HECTD2: variants seen among roughly 807,000 people sequenced by gnomAD.
HECTD2 encodes the protein HECT domain E3 ubiquitin protein ligase 2, also known as probable E3 ubiquitin-protein ligase HECTD2.
A neutral mutation model predicts 103.2 loss-of-function variants in HECTD2; 35 were observed. The observed-to-expected ratio is 0.34, with a 90% confidence interval of 0.26 to 0.45. The LOEUF (loss-of-function observed/expected upper bound fraction) is 0.45, where lower values mean the gene tolerates loss of function less well. Ranked by LOEUF, HECTD2 falls within the 20% of genes least tolerant of loss-of-function variation. The pLI, the probability that HECTD2 is intolerant of heterozygous loss-of-function variation, is 1.00. For synonymous variants in HECTD2, 281 were observed against 329.9 expected (o/e 0.85, Z 1.61); for missense variants, 596 against 937.4 (o/e 0.64, Z 4.76).
chr10:91,410,672 T>C (rs1440817930), intron 1 of HECTD2, 96 bp downstream of exon 1: 5 of 1,164,182 alleles, frequency 4.3e-6, no homozygotes, highest in African/African-American at 1.6e-5. Flanking sequence ...GCGTTTACCC[T>C]GGGCACGCCC....
rs750634330 is a variant in HECTD2 at position 91,498,131 on chromosome 10, A to G, written c.1704A>G (p.Glu568=). Residue 568 remains glutamate, a synonymous_variant, in exon 16 of 21, where the codon GAA becomes GAG. Transcript: ENST00000298068. ...IMPELAHGLS[E]LLSHEGNVEE... ...AGGAGTTGGCCCATGGATTAAGTGA[A>G]CTCTTATCACATGAAGGCAATGTTG... 6.2e-7 allele frequency: 1 copy of G among 1,611,692 alleles called. No individual in the cohort carries two copies. The highest frequency in any genetic ancestry group is 2.2e-5 in the East Asian group (1 of 44,748).
chr10:91,425,105 T>G (rs1172303051), intron 1 of HECTD2, among the ~76,000 whole-genome samples, 176 bp from the exon 2 acceptor site: 1 of 152,122 alleles, frequency 6.6e-6, no homozygotes, highest in African/African-American at 2.4e-5. Context: ...ATAATAAGGC[T>G]GTTTTATATG....
chr10:91,484,286 G>A lies in HECTD2; in HGVS notation c.822-221G>A, dbSNP rs908953454. On this transcript the variant is annotated intron_variant, in intron 8 of 20. Coordinates refer to ENST00000298068, the MANE Select transcript of HECTD2 (RefSeq NM_182765.6). ...AATATTGAAAGTCTTTAAAATGTTT[G>A]TTACTAACTTTATAGTAATTTTGGT... is the stretch of plus-strand genomic sequence containing the variant. 4 of 1,057,450 alleles carry A rather than the reference G, an allele frequency of 3.8e-6. No individual in the cohort carries two copies. The East Asian group carries it at 7.8e-5, about 21-fold the overall frequency. 65.5% of individuals were successfully genotyped at this position (1,057,450 alleles called of 1,614,324 possible). A position where few individuals can be genotyped will look rare whatever the true frequency, so the allele number is the denominator to read the frequency against.
chr10:91,458,895 TAA>T (rs1025924716), intron 2 of HECTD2, among the ~76,000 whole-genome samples: 2 of 152,002 alleles, frequency 1.3e-5, no homozygotes, highest in Non-Finnish European at 2.9e-5. Flanking sequence ...CATCAAAATT[TAA>T]AAGTTTTGCT....
chr10:91,445,973 C>A (rs549517756), intron 2 of HECTD2, among the ~76,000 whole-genome samples: 1 of 151,972 alleles, frequency 6.6e-6, no homozygotes. Context: ...TGAGCAGACA[C>A]CGAACTTGCT....
intron 9 of HECTD2, 94 bp from the exon 10 acceptor site, chr10:91,485,086 G>A: frequency 2.4e-6 from 2 of 816,474 alleles, no homozygotes; most frequent in Middle Eastern, 3.8e-4. Context: ...TCTAGGTCAA[G>A]GCTGTCTTGT....
At chr10:91,496,427 A>G in intron 15 of HECTD2, 55 bp downstream of exon 15, 1 of 1,257,612 alleles carries the variant, frequency 8.0e-7, no homozygotes, top group East Asian at 2.4e-5. Context: ...TCTTTTTTCT[A>G]CCTGCACAGT....
At chr10:91,502,160 T>TAA (rs1473789410) in intron 20 of HECTD2, among the ~76,000 whole-genome samples, 1 of 152,194 alleles carries the variant, frequency 6.6e-6, no homozygotes, top group Admixed American at 6.5e-5. Context: ...ATTGCCAGTT[T>TAA]AAGTTCTAGA....
At chr10:91,446,086 C>A (rs1844602648) in intron 2 of HECTD2, among the ~76,000 whole-genome samples, 3 of 152,150 alleles carry the variant, frequency 2.0e-5, no homozygotes, top group South Asian at 4.2e-4. Context: ...CTGGGAGATA[C>A]CTCCCAGCAG....
chr10:91,437,450 A>G (rs966032590), intron 2 of HECTD2, among the ~76,000 whole-genome samples: 1 of 152,056 alleles, frequency 6.6e-6, no homozygotes, highest in Admixed American at 6.6e-5. Flanking sequence ...TAACCTACTC[A>G]TGCAGCTTCA....
intron 8 of HECTD2, chr10:91,484,064 G>A (rs988766684): frequency 5.3e-6 from 2 of 380,276 alleles, no homozygotes; most frequent in South Asian, 4.2e-5. Context: ...AAGGACACTT[G>A]CAAAGAGAGA....
intron 20 of HECTD2, among the ~76,000 whole-genome samples, chr10:91,509,081 A>G (rs1847316274): frequency 7.1e-6 from 1 of 140,534 alleles, no homozygotes. Flanking sequence ...CAGTGAGATC[A>G]CATGGACACA....
chr10:91,496,389 T>TAATA lies in HECTD2; in HGVS notation c.1680+18_1680+21dup. 1 of 1,573,120 alleles carries TAATA rather than the reference T, an allele frequency of 6.4e-7. No individual in the cohort carries two copies. Among genetic ancestry groups the TAATA allele is most frequent in the East Asian group, 2.3e-5 (1 of 43,904 alleles). On this transcript the variant is annotated intron_variant, in intron 15 of 20. Coordinates refer to ENST00000298068, the MANE Select transcript of HECTD2 (RefSeq NM_182765.6). Reference sequence around the variant, plus strand: ...ATTATGCCTGTAAGTATAAAGTTATTAATATCTTGTCCTTTAATGCGAAAT... The same window carrying TAATA: ...ATTATGCCTGTAAGTATAAAGTTATTAATAAATATCTTGTCCTTTAATGCGAAAT...
intron 20 of HECTD2, among the ~76,000 whole-genome samples, chr10:91,505,098 G>A (rs1847095190): frequency 6.6e-6 from 1 of 151,846 alleles, no homozygotes. Flanking sequence ...CACCAGGCCT[G>A]CCCTAAAAGA....
intron 20 of HECTD2, among the ~76,000 whole-genome samples, chr10:91,508,059 G>A (rs1310072603): frequency 1.7e-5 from 2 of 117,918 alleles, no homozygotes; most frequent in Non-Finnish European, 3.2e-5. Context: ...TGGGAAAACT[G>A]GCTAGCCATA....
chr10:91,468,939 C>CAA (rs375935105), intron 5 of HECTD2, among the ~76,000 whole-genome samples: 4,795 of 98,168 alleles, frequency 0.049, 236 homozygotes, highest in Non-Finnish European at 0.061. Flanking sequence ...CTGTCTCACT[C>CAA]AAAAAAAAAA....
chr10:91,410,384 C>G lies in HECTD2; in HGVS notation c.-55C>G. The stretch of plus-strand genomic sequence containing the variant: ...CCGCGGCGGCAGCAGCAGCGCCAGC[C>G]CCAGCAACACTGAGGCCGCCGCCGC... On this transcript the variant is annotated 5_prime_UTR_variant, in exon 1 of 21. Coordinates refer to ENST00000298068, the MANE Select transcript of HECTD2 (RefSeq NM_182765.6). The G allele has an allele frequency of 8.2e-7, 1 of 1,214,530 alleles. No individual in the cohort carries two copies. Among genetic ancestry groups the G allele is most frequent in the African/African-American group, 1.6e-5 (1 of 62,314 alleles). 75.2% of individuals were successfully genotyped at this position (1,214,530 alleles called of 1,614,324 possible).
intron 1 of HECTD2, among the ~76,000 whole-genome samples, chr10:91,422,534 A>T (rs796142119): frequency 6.6e-5 from 10 of 152,330 alleles, no homozygotes; most frequent in African/African-American, 1.9e-4. Flanking sequence ...ACAAGTAAGC[A>T]AACTTAGCCC....
chr10:91,498,849 T>G (rs772328692), intron 16 of HECTD2, 23 bp from the exon 17 acceptor site: 1 of 1,359,252 alleles, frequency 7.4e-7, no homozygotes, highest in East Asian at 2.3e-5. Flanking sequence ...CATATTAATA[T>G]GTGTAATGGC....
Sources: allele counts gnomAD v4.1 joint callset (sites outside exome capture counted in the v4.1 genomes callset), GRCh38; gene constraint gnomAD v4.1.1; transcripts MANE v1.5; gene names NCBI Gene and HGNC (gene_info 2026-07-23, HGNC 2026-07-21).